TENM1: variants seen among roughly 807,000 people sequenced by gnomAD.
The protein encoded by TENM1 is teneurin-1.
In TENM1, 35 loss-of-function variants were observed where a neutral mutation model predicts 174.8. The observed-to-expected ratio is 0.20, with a 90% confidence interval of 0.15 to 0.27. The LOEUF (loss-of-function observed/expected upper bound fraction) is 0.27. TENM1 is among the 10% of genes least tolerant of loss of function. TENM1 has a pLI of 1.00. For missense variants in TENM1, 1,633 were observed against 2,130.1 expected (o/e 0.77, Z 4.59); for synonymous variants, 781 against 798.7 (o/e 0.98, Z 0.37).
At chrX:124,837,645 T>C (rs1019787920) in intron 3 of TENM1, among the ~76,000 whole-genome samples, 1 of 111,855 alleles carries the variant, frequency 8.9e-6, no homozygotes, top group African/African-American at 3.3e-5. Context: ...ACCTTAAACA[T>C]TGACATCTGA....
At chrX:124,567,473 G>A (rs993357427) in intron 11 of TENM1, among the ~76,000 whole-genome samples, 2 of 111,774 alleles carry the variant, frequency 1.8e-5, no homozygotes, top group Non-Finnish European at 3.8e-5. Flanking sequence ...ATTGCTGAGA[G>A]GTCAAGTAAG....
At chrX:124,977,963 TGTGTGAGAGAGAGAGAGAGAGA>T in the TENM1 span, among the ~76,000 whole-genome samples, 1,968 of 40,465 alleles carry the variant, frequency 0.049, 87 homozygotes, top group African/African-American at 0.14. Context: ...TGTGTGTGTG[TGTGTGAGAGAGAGAGAGAGAGA>T]GAGAGAGAGA....
the TENM1 span, among the ~76,000 whole-genome samples, chrX:124,997,728 G>T: frequency 9.0e-6 from 1 of 110,681 alleles, no homozygotes; most frequent in Admixed American, 9.7e-5. Context: ...ATTTTGGGCT[G>T]GTGTGAGGCA....
chrX:124,833,634 C>G (rs2056334148), intron 3 of TENM1, among the ~76,000 whole-genome samples: 1 of 111,283 alleles, frequency 9.0e-6, no homozygotes, highest in African/African-American at 3.3e-5. Context: ...AAACCATATC[C>G]CCAAATATAA....
At chrX:124,924,096 T>C (rs1371938340) in intron 1 of TENM1, among the ~76,000 whole-genome samples, 1 of 112,511 alleles carries the variant, frequency 8.9e-6, no homozygotes, top group Non-Finnish European at 1.9e-5. Flanking sequence ...AAAAGTCAAT[T>C]CAAAAATTAA....
chrX:124,794,945 T>C (rs941516613), intron 3 of TENM1, among the ~76,000 whole-genome samples: 3 of 111,392 alleles, frequency 2.7e-5, no homozygotes, highest in Non-Finnish European at 5.7e-5. Flanking sequence ...GAATGATTGA[T>C]TTTCTCTTCT....
chrX:125,172,404 C>G, the TENM1 span, among the ~76,000 whole-genome samples: 20 of 110,892 alleles, frequency 1.8e-4, no homozygotes, highest in African/African-American at 6.2e-4. Flanking sequence ...TGTGGGCCAT[C>G]CTGCATTGTT....
the TENM1 span, among the ~76,000 whole-genome samples, chrX:125,053,984 A>T: frequency 4.5e-5 from 5 of 112,019 alleles, no homozygotes; most frequent in Non-Finnish European, 9.4e-5. Context: ...CTGTTGCTTA[A>T]AAAGTAAAAG....
At chrX:125,078,081 G>C in the TENM1 span, among the ~76,000 whole-genome samples, 1 of 111,704 alleles carries the variant, frequency 9.0e-6, no homozygotes. Flanking sequence ...GTCTTGGGTT[G>C]GCAGTGACTA....
chrX:125,125,088 G>C, the TENM1 span, among the ~76,000 whole-genome samples: 1 of 112,290 alleles, frequency 8.9e-6, no homozygotes, highest in Non-Finnish European at 1.9e-5. Context: ...TTAAGATATT[G>C]TAAAAATATA....
chrX:124,415,739 C>A (rs1219374246), intron 25 of TENM1, among the ~76,000 whole-genome samples: 1 of 111,346 alleles, frequency 9.0e-6, no homozygotes, highest in Non-Finnish European at 1.9e-5. Flanking sequence ...TTAGTTGATA[C>A]CTTTTCACTC....
At chrX:124,737,269 A>G (rs2053697024) in intron 3 of TENM1, 72 bp from the exon 7 acceptor site, 1 of 1,049,582 alleles carries the variant, frequency 9.5e-7, no homozygotes, top group East Asian at 3.4e-5. Flanking sequence ...AACCAGCATG[A>G]CAGACTTACC....
intron 31 of TENM1, among the ~76,000 whole-genome samples, chrX:124,381,994 A>C (rs1302387044): frequency 9.0e-6 from 1 of 111,276 alleles, no homozygotes; most frequent in Non-Finnish European, 1.9e-5. Context: ...GTCCCTTATA[A>C]TTTTTTAGAC....
chrX:125,073,711 T>C, the TENM1 span, among the ~76,000 whole-genome samples: 2 of 111,179 alleles, frequency 1.8e-5, no homozygotes, highest in African/African-American at 6.5e-5. Flanking sequence ...CAGGAGGCCC[T>C]AATGTCTGCC....
At chrX:124,437,436 T>C (rs1421718640) in intron 23 of TENM1, among the ~76,000 whole-genome samples, 1 of 111,234 alleles carries the variant, frequency 9.0e-6, no homozygotes, top group East Asian at 2.8e-4. Context: ...TTGGATGTTA[T>C]AAAGTTGGTT....
At chrX:125,072,137 C>T in the TENM1 span, among the ~76,000 whole-genome samples, 3 of 110,917 alleles carry the variant, frequency 2.7e-5, no homozygotes, top group Non-Finnish European at 5.7e-5. Context: ...CTACAAAAAA[C>T]TAGCTCTGCA....
At chrX:124,609,898 A>T (rs1057256349) in intron 11 of TENM1, among the ~76,000 whole-genome samples, 2 of 112,102 alleles carry the variant, frequency 1.8e-5, no homozygotes, top group African/African-American at 6.5e-5. Flanking sequence ...GGTGGATACT[A>T]AAAATTCAGA....
At chrX:124,572,163 A>T (rs2049069265) in intron 11 of TENM1, among the ~76,000 whole-genome samples, 1 of 110,862 alleles carries the variant, frequency 9.0e-6, no homozygotes, top group Non-Finnish European at 1.9e-5. Context: ...ATATCTGGTA[A>T]TCAAACCAAA....
chrX:125,149,673 T>C, the TENM1 span, among the ~76,000 whole-genome samples: 78 of 112,086 alleles, frequency 7.0e-4, no homozygotes, highest in Non-Finnish European at 1.3e-3. Context: ...CATAAAACAT[T>C]TCCTATCCTT....
Sources: gnomAD v4.1 joint callset for allele counts (sites outside exome capture counted in the v4.1 genomes callset) on GRCh38, gnomAD v4.1.1 for gene constraint, MANE v1.5 for transcripts, NCBI Gene and HGNC (gene_info 2026-07-23, HGNC 2026-07-21) for gene names.